Variants in MUC5B observed in about 807,000 individuals in gnomAD.
MUC5B encodes the protein mucin-5B.
MUC5B carries 116 observed loss-of-function variants against 376.9 expected under a neutral mutation model. That is an observed-to-expected ratio of 0.31 (90% CI 0.26 to 0.36). The LOEUF is 0.36. Among genes scored for constraint, MUC5B ranks in the 10% least tolerant of loss-of-function variants. The pLI is 1.00. For missense variants in MUC5B, 7,165 were observed against 7,769.9 expected, an observed-to-expected ratio of 0.92 and a Z score of 2.93; for synonymous variants, 3,517 against 3,390.9, an observed-to-expected ratio of 1.04 and a Z score of -1.29.
At chr11:1,236,600 C>T in intron 24 of MUC5B, 38 bp downstream of exon 24, 1 of 1,584,326 alleles carries the variant, frequency 6.3e-7, no homozygotes, top group Non-Finnish European at 8.6e-7. Context: ...CCTGCAGGAC[C>T]CTCTCACAGT....
At chr11:1,236,224 C>A (rs1434289554) in intron 23 of MUC5B, 162 bp from the exon 24 acceptor site, 7 of 631,644 alleles carry the variant, frequency 1.1e-5, no homozygotes, top group South Asian at 7.2e-5. Context: ...TCTTGCCAAA[C>A]CTTCGCTGAG....
In MUC5B at chr11:1,258,123, A is replaced by G. The variant is rs1212750602; in HGVS notation, c.16475A>G (p.Gln5492Arg). ...VCVCNTTTCP[Q>R]SLPVCPPGQE... The stretch of plus-strand genomic sequence containing the variant: ...GTGTGCAACACAACCACCTGCCCCC[A>G]GAGCCTGCCTGTGTGCCCGCCAGGG... The change falls in exon 42 of 49, where the codon CAG (glutamine) becomes CGG (arginine). Residue 5492 changes from glutamine to arginine, a missense_variant. Around this residue, in one of 31 missense-constraint regions of MUC5B, gnomAD observed 842 missense variants for 1,016.9 expected, o/e 0.83. Transcript: ENST00000529681. This position sits in a 1 kb window ranked among gnomAD's most constrained non-coding sequence, Gnocchi z 5.5. The G allele has an allele frequency of 6.3e-7, 1 of 1,594,362 alleles. No homozygotes were observed. Among genetic ancestry groups the G allele is most frequent in the Non-Finnish European group, 8.5e-7 (1 of 1,172,816 alleles).
Position 1,234,939 on chromosome 11 carries a change from G to A in MUC5B, c.2631-146G>A. On this transcript the variant is annotated intron_variant, in intron 21 of 48. Transcript: ENST00000529681. This position sits in a 1 kb window ranked among gnomAD's most constrained non-coding sequence, Gnocchi z 6.3. ...TGCGTGCCCTGCATTCACAGTGGGG[G>A]ACACCACTTCTTCCACGGAGGAGGG... 3 of 1,208,612 alleles carry A rather than the reference G, an allele frequency of 2.5e-6. No homozygotes were observed. Among genetic ancestry groups the A allele is most frequent in the South Asian group, 1.6e-5 (1 of 63,058 alleles). The allele number at this position is 1,208,612 out of a possible 1,614,324, so 74.9% of individuals were successfully genotyped here. A position where few individuals can be genotyped will look rare whatever the true frequency, so the allele number is the denominator to read the frequency against.
rs1281191278 is a variant in MUC5B, at chr11:1,234,299, G to A, written c.2472G>A (p.Val824=). The A allele has an allele frequency of 6.2e-7, 1 of 1,602,708 alleles. No homozygotes were observed. Among genetic ancestry groups the A allele is most frequent in the African/African-American group, 1.3e-5 (1 of 74,898 alleles). The change falls in exon 20 of 49, where the codon GTG becomes GTA. Residue 824 remains valine (V), a synonymous_variant. Coordinates refer to ENST00000529681, the MANE Select transcript of MUC5B (RefSeq NM_002458.3). This position sits in a 1 kb window ranked among gnomAD's most constrained non-coding sequence, Gnocchi z 6.3. ...TCCGGAGCTGCCACACGCTGGACGT[G>A]GGCTGTGTGAGTTCCATGCTTCAGG... ...ECLRSCHTLD[V]GCFSTHCVSG...
Position 1,244,857 on chromosome 11 carries a change from C to T in MUC5B, c.7977C>T (p.Pro2659=), listed in dbSNP as rs780907521. The change falls in exon 31 of 49, where the codon CCC becomes CCT. Residue 2659 remains proline (P), a synonymous_variant. Transcript: ENST00000529681. ...PSSIPGTTHT[P]TVLTTTTTTV... is the part of the protein sequence containing the mutation. ...CCATCCCGGGGACCACCCACACCCC[C>T]ACAGTGCTGACCACCACCACCACAA... 3 of 1,613,616 alleles carry T rather than the reference C, an allele frequency of 1.9e-6. No homozygotes were observed. The highest frequency in any genetic ancestry group is 2.5e-6 in the Non-Finnish European group (3 of 1,179,770).
rs367847582 is a variant in MUC5B at position 1,255,096 on chromosome 11, C to T, written c.15720C>T (p.Ala5240=). 1.4e-4 allele frequency: 223 copies of T among 1,593,270 alleles called. 1 individual carries two copies. The African/African-American group carries it at 2.2e-3, about 16-fold the overall frequency. Residue 5240 remains alanine (A), a synonymous_variant, in exon 36 of 49, where the codon GCC becomes GCT. Coordinates refer to ENST00000529681, the MANE Select transcript of MUC5B (RefSeq NM_002458.3). ...DDCLQRDGTT[A]ASCKDMAKTW... ...GTCTCCAGCGGGACGGAACCACTGCCGCCAGTTGCAAGGACATGGCCAAGA... is the reference window on the plus strand; with the variant it reads ...GTCTCCAGCGGGACGGAACCACTGCTGCCAGTTGCAAGGACATGGCCAAGA...
chr11:1,239,057 G>A (rs1341655069), intron 26 of MUC5B, 30 bp downstream of exon 26: 2 of 1,563,510 alleles, frequency 1.3e-6, no homozygotes, highest in Non-Finnish European at 1.7e-6. Context: ...TGGTGCTGAA[G>A]GGTGGAGCTG....
Position 1,243,669 on chromosome 11 carries a change from G to T in MUC5B, c.6789G>T (p.Glu2263Asp). ...SSPHPSSRTT[E>D]SPPSPGTTTP... ...CTCACCCTAGCAGCAGAACCACCGA[G>T]TCACCCCCTTCTCCAGGGACGACCA... Residue 2263 changes from glutamate (E) to aspartate (D), a missense_variant, in exon 31 of 49, where the codon GAG becomes GAT. Glu to Asp is a conservative substitution (Grantham distance 45). Around this residue, in one of 31 missense-constraint regions of MUC5B, gnomAD observed 79 missense variants for 63.0 expected, o/e 1.25. Transcript: ENST00000529681. 1.2e-6 allele frequency: 2 copies of T among 1,611,090 alleles called. No individual in the cohort carries two copies. Among genetic ancestry groups the T allele is most frequent in the Non-Finnish European group, 1.7e-6 (2 of 1,179,468 alleles).
Position 1,239,839 on chromosome 11 carries a change from T to A in MUC5B, c.3624T>A (p.Asn1208Lys), listed in dbSNP as rs1287915154. ...PKCPPSQPFFNEDQMKCVAQC... is the reference protein window; with the variant it reads ...PKCPPSQPFFKEDQMKCVAQC... Reference sequence around the variant, plus strand: ...GCCCACCCAGCCAGCCCTTCTTCAATGAGGACCAGATGAAGTGCGTGGCCC... The same window carrying A: ...GCCCACCCAGCCAGCCCTTCTTCAAAGAGGACCAGATGAAGTGCGTGGCCC... The change falls in exon 28 of 49, where the codon AAT (asparagine) becomes AAA (lysine). Residue 1208 changes from asparagine (N) to lysine (K), a missense_variant. Asn to Lys is a moderately conservative substitution (Grantham distance 94, BLOSUM62 0). Coordinates refer to ENST00000529681, the MANE Select transcript of MUC5B (RefSeq NM_002458.3). 3 of 1,612,880 alleles carry A rather than the reference T, an allele frequency of 1.9e-6. No individual in the cohort carries two copies. The highest frequency in any genetic ancestry group is 2.5e-6 in the Non-Finnish European group (3 of 1,179,472).
chr11:1,246,940 G>A lies in MUC5B; in HGVS notation c.10060G>A (p.Gly3354Arg). Residue 3354 changes from glycine to arginine, a missense_variant, in exon 31 of 49, where the codon GGG becomes AGG. By Grantham distance (125) the Gly-to-Arg change is moderately radical (BLOSUM62 -2). Transcript: ENST00000529681. The part of the protein sequence containing the change: ...GSTVTPSSIP[G>R]TTHTATVLTT... ...CACGGTGACCCCCTCCTCCATCCCG[G>A]GGACCACCCACACCGCCACAGTGCT... 1 of 1,607,928 alleles carries A rather than the reference G, an allele frequency of 6.2e-7. No individual in the cohort carries two copies. The highest frequency in any genetic ancestry group is 1.3e-5 in the African/African-American group (1 of 74,618).
chr11:1,226,144 G>A (rs1012555113), intron 2 of MUC5B, 61 bp from the exon 3 acceptor site: 51 of 1,485,524 alleles, frequency 3.4e-5, no homozygotes, highest in Non-Finnish European at 4.4e-5. Context: ...GGGCCCCGGG[G>A]AGGGTGTCTC....
In MUC5B at chr11:1,232,034, T is replaced by C. The variant is rs1862039122; in HGVS notation, c.1717T>C (p.Phe573Leu). 6.2e-7 allele frequency: 1 copy of C among 1,612,646 alleles called. No individual in the cohort carries two copies. Among genetic ancestry groups the C allele is most frequent in the Non-Finnish European group, 8.5e-7 (1 of 1,179,810 alleles). ...GNFNQNQADD[F>L]TALSGVVEAT... ...CTTCAACCAGAACCAGGCTGACGACTTCACGGCCCTCAGCGGGGTGGTGGA... is the reference window on the plus strand; with the variant it reads ...CTTCAACCAGAACCAGGCTGACGACCTCACGGCCCTCAGCGGGGTGGTGGA... Residue 573 changes from phenylalanine (F) to leucine (L), a missense_variant, in exon 15 of 49, where the codon TTC (phenylalanine) becomes CTC (leucine). Phe to Leu is a conservative substitution (Grantham distance 22, BLOSUM62 0). Coordinates refer to ENST00000529681, the MANE Select transcript of MUC5B (RefSeq NM_002458.3).
In MUC5B at chr11:1,242,870, A is replaced by G; in HGVS notation, c.5990A>G (p.Gln1997Arg). The G allele has an allele frequency of 1.9e-6, 3 of 1,612,612 alleles. No homozygotes were observed. The highest frequency in any genetic ancestry group is 2.5e-6 in the Non-Finnish European group (3 of 1,179,478). Residue 1997 changes from glutamine (Q) to arginine (R), a missense_variant, in exon 31 of 49, where the codon CAG (glutamine) becomes CGG (arginine). Coordinates refer to ENST00000529681, the MANE Select transcript of MUC5B (RefSeq NM_002458.3). ...SLGTTWTRLSQTTTPTATMST... is the reference protein window; with the variant it reads ...SLGTTWTRLSRTTTPTATMST... ...GGCACCACCTGGACCCGCCTATCAC[A>G]GACCACCACACCCACGGCCACCATG...
At chr11:1,229,877 C>A in intron 10 of MUC5B, 70 bp downstream of exon 10, 2 of 1,546,126 alleles carry the variant, frequency 1.3e-6, no homozygotes, top group South Asian at 1.2e-5. Context: ...AACCCGCCAG[C>A]CTCTGCCTGG....
rs1017682356 is a variant in MUC5B at position 1,249,840 on chromosome 11, T to C, written c.12960T>C (p.Ala4320=). 6.2e-7 allele frequency: 1 copy of C among 1,612,444 alleles called. No individual in the cohort carries two copies. Among genetic ancestry groups the C allele is most frequent in the Non-Finnish European group, 8.5e-7 (1 of 1,179,522 alleles). The change falls in exon 31 of 49, where the codon GCT becomes GCC. Residue 4320 remains alanine, a synonymous_variant. Transcript: ENST00000529681. ...VLTSTATKST[A]TSVTPIPSST... is the part of the protein sequence containing the mutation. Reference sequence around the variant, plus strand: ...CAAGCACAGCCACCAAATCCACAGCTACCAGCGTTACACCCATCCCCTCCT... The same window carrying C: ...CAAGCACAGCCACCAAATCCACAGCCACCAGCGTTACACCCATCCCCTCCT...
rs1240791829 is a variant in MUC5B at position 1,248,484 on chromosome 11, C to T, written c.11604C>T (p.Thr3868=). 6.2e-7 allele frequency: 1 copy of T among 1,611,744 alleles called. No individual in the cohort carries two copies. Among genetic ancestry groups the T allele is most frequent in the Admixed American group, 1.7e-5 (1 of 59,900 alleles). Residue 3868 remains threonine, a synonymous_variant, in exon 31 of 49, where the codon ACC becomes ACT. Transcript: ENST00000529681. ...CTCACACTACCAAAGTGCCGACTAC[C>T]ACAACCACGGGCTTCACAGTCACCC... is the stretch of plus-strand genomic sequence containing the variant. The part of the protein sequence containing the change: ...GTAHTTKVPT[T]TTTGFTVTPS...
Position 1,261,521 on chromosome 11 carries a change from G to A in MUC5B, c.17202G>A (p.Glu5734=). 1 of 1,606,818 alleles carries A rather than the reference G, an allele frequency of 6.2e-7. No homozygotes were observed. Among genetic ancestry groups the A allele is most frequent in the East Asian group, 2.2e-5 (1 of 44,556 alleles). ...AILHTYTHVD[E]CGCTPFCVPA... ...TGCACACCTACACCCACGTGGATGAGTGTGGCTGCACGCCCTTCTGTGTCC... is the reference window on the plus strand; with the variant it reads ...TGCACACCTACACCCACGTGGATGAATGTGGCTGCACGCCCTTCTGTGTCC... Residue 5734 remains glutamate (E), a synonymous_variant, in exon 49 of 49, where the codon GAG becomes GAA. Transcript: ENST00000529681.
At position 1,233,896 on chromosome 11, in the gene MUC5B, C is replaced by T. The variant is rs369261141; in HGVS notation, c.2377+48C>T. On this transcript the variant is annotated intron_variant, in intron 19 of 48. Transcript: ENST00000529681. ...CCTGCCCTGCCCCGCCCCGCATCAC[C>T]CCGCCTGGCCTGGCCCCAACACGCC... 28 of 1,535,448 alleles carry T rather than the reference C, an allele frequency of 1.8e-5. No individual in the cohort carries two copies. In the African/African-American group the frequency reaches 2.3e-4, roughly 13 times the overall value.
At position 1,235,231 on chromosome 11, in the gene MUC5B, G is replaced by T; in HGVS notation, c.2769+8G>T. On this transcript the variant is annotated splice_region_variant and intron_variant, in intron 22 of 48. Transcript: ENST00000529681. ...GAGTACATCTTGGCCCAGGTACGCC[G>T]CCCCCTCGCCCACTCCTGCAGGCCG... 6.2e-7 allele frequency: 1 copy of T among 1,611,986 alleles called. No homozygotes were observed. The highest frequency in any genetic ancestry group is 8.5e-7 in the Non-Finnish European group (1 of 1,179,052).
Sources: allele counts gnomAD v4.1 joint callset, GRCh38; gene constraint gnomAD v4.1.1; regional missense constraint gnomAD v4.1.1; non-coding constraint Gnocchi (gnomAD v3.1); transcripts MANE v1.5; gene names NCBI Gene and HGNC (gene_info 2026-07-23, HGNC 2026-07-21).